The following C12orf42 variants were observed in gnomAD, a reference collection of about 807,000 sequenced individuals.
The protein encoded by C12orf42 is uncharacterized protein C12orf42.
In C12orf42, 25 loss-of-function variants were observed where a neutral mutation model predicts 21.6. The observed-to-expected ratio is 1.16, with a 90% CI of 0.84 to 1.62. The LOEUF (loss-of-function observed/expected upper bound fraction) is 1.62, where lower values mean the gene tolerates loss of function less well. C12orf42 is among the 40% of genes most tolerant of loss of function. The pLI is 0.00. For missense variants in C12orf42, 483 were observed against 459.3 expected, an observed-to-expected ratio of 1.05 and a Z score of -0.47; for synonymous variants, 174 against 175.0, an observed-to-expected ratio of 0.99 and a Z score of 0.05.
intron 1 of C12orf42, among the ~76,000 whole-genome samples, chr12:103,487,063 G>C (rs541150978): frequency 1.3e-5 from 2 of 152,214 alleles, no homozygotes; most frequent in South Asian, 4.2e-4. Context: ...GTTGATTTTA[G>C]ATCTTTCCTG....
chr12:103,058,326 T>A, the C12orf42 span, among the ~76,000 whole-genome samples: 1 of 152,174 alleles, frequency 6.6e-6, no homozygotes, highest in Admixed American at 6.6e-5. Flanking sequence ...GGGTTGTTTG[T>A]TTTTTTCTTG....
At chr12:103,354,517 C>T (rs1372778130) in intron 4 of C12orf42, among the ~76,000 whole-genome samples, 1 of 152,086 alleles carries the variant, frequency 6.6e-6, no homozygotes. Context: ...GTTTGTGAGG[C>T]CACCCTTTTA....
intron 4 of C12orf42, among the ~76,000 whole-genome samples, chr12:103,361,797 TA>T (rs2044138836): frequency 6.6e-6 from 1 of 151,998 alleles, no homozygotes; most frequent in Admixed American, 6.6e-5. Context: ...CCTGGGAATA[TA>T]ACTCCATTGA....
the C12orf42 span, among the ~76,000 whole-genome samples, chr12:103,227,401 G>T: frequency 5.5e-4 from 83 of 152,020 alleles, no homozygotes; most frequent in African/African-American, 1.8e-3. Flanking sequence ...ATAAGAGGTC[G>T]GGGTGTGGAA....
intron 4 of C12orf42, among the ~76,000 whole-genome samples, chr12:103,319,812 C>T (rs2039909624): frequency 1.3e-5 from 2 of 152,212 alleles, no homozygotes; most frequent in Non-Finnish European, 2.9e-5. Context: ...CTCCTTCGCA[C>T]AGCAGTGGTG....
the C12orf42 span, among the ~76,000 whole-genome samples, chr12:103,529,460 T>C: frequency 6.6e-6 from 1 of 152,204 alleles, no homozygotes; most frequent in African/African-American, 2.4e-5. Context: ...ATTTCAACAG[T>C]GCGTCGGCTC....
At chr12:103,516,864 T>C in the C12orf42 span, among the ~76,000 whole-genome samples, 4 of 152,178 alleles carry the variant, frequency 2.6e-5, no homozygotes, top group Admixed American at 2.0e-4. Context: ...ATCACACAAA[T>C]AGTCTTCTAC....
intron 2 of C12orf42, among the ~76,000 whole-genome samples, chr12:103,435,298 G>A (rs1396038757): frequency 7.2e-5 from 11 of 152,114 alleles, no homozygotes; most frequent in Non-Finnish European, 1.3e-4. Context: ...ACAAAGATGG[G>A]GAAAAAACAG....
chr12:103,384,942 T>C (rs1461130078), intron 3 of C12orf42, among the ~76,000 whole-genome samples: 1 of 152,206 alleles, frequency 6.6e-6, no homozygotes, highest in Non-Finnish European at 1.5e-5. Context: ...ATGCAAATCA[T>C]GGTCGTCTGT....
the C12orf42 span, among the ~76,000 whole-genome samples, chr12:103,507,493 T>C: frequency 5.6e-5 from 8 of 141,998 alleles, no homozygotes; most frequent in Non-Finnish European, 1.2e-4. Flanking sequence ...AACATAGTGA[T>C]ACCCCATCTT....
intron 4 of C12orf42, among the ~76,000 whole-genome samples, chr12:103,327,091 C>T (rs935043327): frequency 2.0e-5 from 3 of 152,068 alleles, no homozygotes; most frequent in Non-Finnish European, 4.4e-5. Flanking sequence ...AGGGAGGGGA[C>T]GAGGTAGGGG....
At chr12:103,071,802 C>A in the C12orf42 span, among the ~76,000 whole-genome samples, 2 of 152,142 alleles carry the variant, frequency 1.3e-5, no homozygotes, top group Admixed American at 6.6e-5. Flanking sequence ...TTGACTATGT[C>A]TTTGTTAGCA....
intron 2 of C12orf42, among the ~76,000 whole-genome samples, chr12:103,474,545 C>A (rs1953899198): frequency 6.6e-6 from 1 of 151,814 alleles, no homozygotes; most frequent in Non-Finnish European, 1.5e-5. Flanking sequence ...ACTTTGGAGT[C>A]TTTTATTAAA....
chr12:103,512,242 G>A, the C12orf42 span, among the ~76,000 whole-genome samples: 1 of 152,158 alleles, frequency 6.6e-6, no homozygotes, highest in Admixed American at 6.5e-5. Flanking sequence ...ATATGTGGGA[G>A]CTAAAAAATC....
At chr12:103,472,245 G>A (rs1468418562) in intron 2 of C12orf42, among the ~76,000 whole-genome samples, 5 of 151,620 alleles carry the variant, frequency 3.3e-5, no homozygotes, top group Admixed American at 6.6e-5. Context: ...CAGTAGAGAC[G>A]GGGTTTCACC....
chr12:103,206,391 A>T, the C12orf42 span, among the ~76,000 whole-genome samples: 2 of 152,172 alleles, frequency 1.3e-5, no homozygotes, highest in Non-Finnish European at 2.9e-5. Flanking sequence ...TTGCAGAAAA[A>T]TGAGGGAGCT....
chr12:103,093,343 C>T, the C12orf42 span, among the ~76,000 whole-genome samples: 19 of 152,134 alleles, frequency 1.2e-4, no homozygotes, highest in Non-Finnish European at 2.4e-4. Context: ...GTCCCTTCCC[C>T]GCCATGCCCA....
chr12:103,048,029 C>T, the C12orf42 span, among the ~76,000 whole-genome samples: 2 of 142,550 alleles, frequency 1.4e-5, no homozygotes, highest in East Asian at 3.9e-4. Context: ...ACAAAGGAGC[C>T]TTTTACCAGG....
intron 2 of C12orf42, among the ~76,000 whole-genome samples, chr12:103,438,942 A>T (rs1313848885): frequency 1.3e-5 from 2 of 152,098 alleles, no homozygotes; most frequent in Non-Finnish European, 2.9e-5. Context: ...AAGAGCCCGC[A>T]TCGCCAAGGC....
Sources: gnomAD v4.1 joint callset for allele counts (sites outside exome capture counted in the v4.1 genomes callset) on GRCh38, gnomAD v4.1.1 for gene constraint, MANE v1.5 for transcripts, NCBI Gene and HGNC (gene_info 2026-07-23, HGNC 2026-07-21) for gene names.